Variants in CNTN4 observed in about 807,000 individuals in gnomAD.
CNTN4 encodes contactin-4.
In CNTN4, 77 loss-of-function variants were observed where a neutral mutation model predicts 122.5. The ratio of observed to expected loss-of-function variants is 0.63; its 90% confidence interval spans 0.52 to 0.76. The LOEUF is 0.76. Ranked by LOEUF, CNTN4 falls within the 30% of genes least tolerant of loss-of-function variation. The probability of loss-of-function intolerance (pLI) is 0.00; values close to 1 mark genes in which losing one functional copy is unlikely to be tolerated. For synonymous variants in CNTN4, 512 were observed against 447.0 expected (o/e 1.15, Z -1.83); for missense variants, 1,256 against 1,259.1 (o/e 1.00, Z 0.04).
rs56214954 is a variant in CNTN4 at position 2,749,301 on chromosome 3, C to T, written c.358+3604C>T. On this transcript the variant is annotated intron_variant, in intron 6 of 24. Coordinates refer to ENST00000418658, the MANE Select transcript of CNTN4 (RefSeq NM_175607.3). ...TCAGCCTCCAAAGTAGCTGGGATTACAGGCTCACACCACCATGCCCAGATA... is the reference window on the plus strand; with the variant it reads ...TCAGCCTCCAAAGTAGCTGGGATTATAGGCTCACACCACCATGCCCAGATA... Among the ~76,000 whole-genome samples the T allele has an allele frequency of 2.1e-3, 322 of 151,448 alleles. 2 individuals carry two copies. The highest frequency in any genetic ancestry group is 7.6e-3 in the African/African-American group (314 of 41,262).
chr3:3,013,359 A>C (rs969337175), intron 14 of CNTN4, among the ~76,000 whole-genome samples: 2 of 152,146 alleles, frequency 1.3e-5, no homozygotes, highest in Non-Finnish European at 2.9e-5. Flanking sequence ...TGACATGTTT[A>C]GCAAAAGCTA....
chr3:2,200,881 A>AT (rs1205714475), intron 2 of CNTN4, among the ~76,000 whole-genome samples: 1 of 152,118 alleles, frequency 6.6e-6, no homozygotes, highest in Non-Finnish European at 1.5e-5. Flanking sequence ...GGCTTCAAGA[A>AT]TTTTTTTGAC....
At chr3:2,550,638 G>A (rs2149358415) in intron 3 of CNTN4, among the ~76,000 whole-genome samples, 1 of 152,248 alleles carries the variant, frequency 6.6e-6, no homozygotes, top group East Asian at 1.9e-4. Context: ...CTACTATAAA[G>A]ACACATCCAC....
chr3:2,916,741 C>T (rs1339224675), intron 12 of CNTN4, among the ~76,000 whole-genome samples: 6 of 142,532 alleles, frequency 4.2e-5, no homozygotes, highest in Admixed American at 2.1e-4. Context: ...GGGTGGCGGC[C>T]GGGCAGAGGG....
chr3:2,623,642 A>C (rs530269689), intron 4 of CNTN4, among the ~76,000 whole-genome samples: 1 of 152,298 alleles, frequency 6.6e-6, no homozygotes, highest in South Asian at 2.1e-4. Flanking sequence ...TGAATCATAA[A>C]ACTGCTCTCT....
At chr3:2,183,646 A>G (rs1441773469) in intron 2 of CNTN4, among the ~76,000 whole-genome samples, 1 of 152,180 alleles carries the variant, frequency 6.6e-6, no homozygotes, top group African/African-American at 2.4e-5. Flanking sequence ...TTTGCTTGCC[A>G]ACACTGACCT....
intron 13 of CNTN4, among the ~76,000 whole-genome samples, chr3:2,926,058 C>A (rs2094470656): frequency 6.6e-6 from 1 of 152,206 alleles, no homozygotes; most frequent in Non-Finnish European, 1.5e-5. Flanking sequence ...AAACATCCTC[C>A]TTAATTTAAG....
chr3:2,532,643 T>C (rs1056779379), intron 3 of CNTN4, among the ~76,000 whole-genome samples: 2 of 152,126 alleles, frequency 1.3e-5, no homozygotes, highest in Non-Finnish European at 2.9e-5. Flanking sequence ...CAAAAACAAA[T>C]ATATTCTACT....
At chr3:2,830,944 G>A (rs937107697) in intron 7 of CNTN4, among the ~76,000 whole-genome samples, 2 of 152,174 alleles carry the variant, frequency 1.3e-5, no homozygotes, top group Non-Finnish European at 2.9e-5. Flanking sequence ...ACTCTGGTTA[G>A]GAGCTCAGAA....
intron 4 of CNTN4, among the ~76,000 whole-genome samples, chr3:2,581,435 T>C (rs1179641651): frequency 1.3e-5 from 2 of 152,140 alleles, no homozygotes; most frequent in Non-Finnish European, 2.9e-5. Context: ...CAATTTTACA[T>C]ATGAGAATCT....
At chr3:2,187,005 C>T (rs191553237) in intron 2 of CNTN4, among the ~76,000 whole-genome samples, 8 of 152,134 alleles carry the variant, frequency 5.3e-5, no homozygotes, top group Non-Finnish European at 8.8e-5. Context: ...CTTGCCCATG[C>T]CTATGTCCTG....
intron 12 of CNTN4, among the ~76,000 whole-genome samples, chr3:2,909,807 G>A (rs1206609413): frequency 6.6e-6 from 1 of 152,170 alleles, no homozygotes; most frequent in Non-Finnish European, 1.5e-5. Flanking sequence ...TTCTGATATA[G>A]TAGCTCTAGA....
chr3:2,364,960 T>C (rs1237543666), intron 3 of CNTN4, among the ~76,000 whole-genome samples: 1 of 152,226 alleles, frequency 6.6e-6, no homozygotes, highest in Non-Finnish European at 1.5e-5. Context: ...GGAGACATTT[T>C]TCAAAGCATT....
At chr3:2,444,449 G>A (rs979895034) in intron 3 of CNTN4, among the ~76,000 whole-genome samples, 1 of 152,080 alleles carries the variant, frequency 6.6e-6, no homozygotes, top group Non-Finnish European at 1.5e-5. Context: ...GGCAGAAGGG[G>A]CAGCCTTCTT....
At chr3:2,814,717 G>C (rs1273300175) in intron 6 of CNTN4, among the ~76,000 whole-genome samples, 1 of 152,196 alleles carries the variant, frequency 6.6e-6, no homozygotes, top group Non-Finnish European at 1.5e-5. Context: ...AGATTATGGT[G>C]CTTCAGAGCA....
At chr3:2,409,612 A>C (rs2047162259) in intron 3 of CNTN4, among the ~76,000 whole-genome samples, 1 of 152,190 alleles carries the variant, frequency 6.6e-6, no homozygotes, top group Admixed American at 6.5e-5. Flanking sequence ...CAAAGATATA[A>C]GCAGTGAATT....
chr3:2,497,508 G>A (rs2076483934), intron 3 of CNTN4, among the ~76,000 whole-genome samples: 1 of 152,134 alleles, frequency 6.6e-6, no homozygotes, highest in South Asian at 2.1e-4. Flanking sequence ...GCTCATGAGT[G>A]GCAACCTAGG....
At position 2,902,983 on chromosome 3, in the gene CNTN4, C is replaced by T; in HGVS notation, c.1185C>T (p.Ser395=). 1 of 1,613,630 alleles carries T rather than the reference C, an allele frequency of 6.2e-7. No homozygotes were observed. The highest frequency in any genetic ancestry group is 1.1e-5 in the South Asian group (1 of 91,064). The change falls in exon 12 of 25, where the codon TCC becomes TCT. Residue 395 remains serine (S), a synonymous_variant. Coordinates refer to ENST00000418658, the MANE Select transcript of CNTN4 (RefSeq NM_175607.3). ...AGAATAAACATGGAGTTATCTTTTC[C>T]AACGCAGAGCTTAGTGTTATAGGTG... ...LAENKHGVIF[S]NAELSVIAVG...
At chr3:2,925,441 T>G (rs1330321469) in intron 12 of CNTN4, among the ~76,000 whole-genome samples, 188 bp from the exon 13 acceptor site, 3 of 151,972 alleles carry the variant, frequency 2.0e-5, no homozygotes, top group Non-Finnish European at 1.5e-5. Context: ...TAGTCCCAGC[T>G]ACTAGGGAGG....
Sources: allele counts gnomAD v4.1 joint callset (sites outside exome capture counted in the v4.1 genomes callset), GRCh38; gene constraint gnomAD v4.1.1; transcripts MANE v1.5; gene names NCBI Gene and HGNC (gene_info 2026-07-23, HGNC 2026-07-21).